The following SNX29 variants were observed in gnomAD, a reference collection of about 807,000 sequenced individuals.
SNX29 encodes sorting nexin-29.
SNX29 carries 78 observed loss-of-function variants against 102.1 expected under a neutral mutation model. The ratio of observed to expected loss-of-function variants is 0.76; its 90% confidence interval spans 0.64 to 0.92. SNX29 has a LOEUF of 0.92. Ranked by LOEUF, SNX29 falls within the 40% of genes least tolerant of loss-of-function variation. The probability of loss-of-function intolerance (pLI) is 0.00; values close to 1 mark genes in which losing one functional copy is unlikely to be tolerated. For synonymous variants in SNX29, 580 were observed against 414.5 expected (o/e 1.40, Z -4.85); for missense variants, 1,280 against 1,061.7 (o/e 1.21, Z -2.86).
At chr16:12,224,656 C>T (rs1302577736) in intron 14 of SNX29, among the ~76,000 whole-genome samples, 1 of 152,236 alleles carries the variant, frequency 6.6e-6, no homozygotes, top group African/African-American at 2.4e-5. Context: ...AAAGAGCCTA[C>T]ATGTGCAAAA....
chr16:12,234,134 A>G (rs1359329720), intron 14 of SNX29, among the ~76,000 whole-genome samples: 1 of 152,176 alleles, frequency 6.6e-6, no homozygotes, highest in Non-Finnish European at 1.5e-5. Context: ...TGCTGGGTCA[A>G]AGCGGCTGTA....
At chr16:12,280,180 CA>C (rs1255841977) in intron 15 of SNX29, among the ~76,000 whole-genome samples, 1 of 152,180 alleles carries the variant, frequency 6.6e-6, no homozygotes, top group Non-Finnish European at 1.5e-5. Flanking sequence ...TCAGAAACAG[CA>C]AGAACAGAGG....
intron 20 of SNX29, chr16:12,545,456 CGGATA>C (rs1297894961): frequency 2.6e-5 from 4 of 152,302 alleles, no homozygotes; most frequent in African/African-American, 9.6e-5. Flanking sequence ...GGCTTGTGGA[CGGATA>C]GGATGCCAGT....
Position 12,082,463 on chromosome 16 carries a change from C to T in SNX29, c.1402+3548C>T, listed in dbSNP as rs183089143. On this transcript the variant is annotated intron_variant, in intron 11 of 20. Transcript: ENST00000566228. ...TTCTGTCTTTGAGGAAGTCACTGGC[C>T]TTGCCTGTGCATTTTCAGTGATGAC... 2.0e-5 allele frequency among the ~76,000 whole-genome samples: 3 copies of T among 152,338 alleles called. No homozygotes were observed. The East Asian group carries it at 5.8e-4, about 29-fold the overall frequency.
chr16:11,984,407 T>C (rs1314061677), intron 1 of SNX29, among the ~76,000 whole-genome samples: 2 of 149,874 alleles, frequency 1.3e-5, no homozygotes, highest in Non-Finnish European at 3.0e-5. Flanking sequence ...GAGACTGATA[T>C]AGGCTGCAGT....
intron 11 of SNX29, among the ~76,000 whole-genome samples, chr16:12,110,017 C>T (rs1179512196): frequency 6.6e-6 from 1 of 152,200 alleles, no homozygotes; most frequent in Non-Finnish European, 1.5e-5. Flanking sequence ...GTGTGAGCCA[C>T]CGTGCCCGGC....
intron 4 of SNX29, 127 bp downstream of exon 4, chr16:12,027,571 A>T (rs2057229257): frequency 8.9e-7 from 1 of 1,117,394 alleles, no homozygotes; most frequent in Non-Finnish European, 1.2e-6. Context: ...GTATGGGCAC[A>T]GAAATCCATG....
chr16:12,521,010 A>G (rs2090077845), intron 19 of SNX29, among the ~76,000 whole-genome samples: 1 of 152,114 alleles, frequency 6.6e-6, no homozygotes, highest in South Asian at 2.1e-4. Flanking sequence ...AACAGTCGTC[A>G]CTAGTAAAAA....
intron 15 of SNX29, among the ~76,000 whole-genome samples, chr16:12,300,356 T>C (rs2151095432): frequency 6.6e-6 from 1 of 152,310 alleles, no homozygotes. Flanking sequence ...CCATAATGCC[T>C]TGGAGACAGC....
At chr16:12,304,568 C>T (rs1470361166) in intron 15 of SNX29, among the ~76,000 whole-genome samples, 1 of 152,180 alleles carries the variant, frequency 6.6e-6, no homozygotes, top group Non-Finnish European at 1.5e-5. Context: ...ATGTAAATGT[C>T]TTTGAATAGA....
At chr16:12,032,999 C>T (rs1010935358) in intron 4 of SNX29, among the ~76,000 whole-genome samples, 6 of 152,030 alleles carry the variant, frequency 3.9e-5, no homozygotes, top group Non-Finnish European at 5.9e-5. Flanking sequence ...GGATTACAGG[C>T]GTGCGCCACC....
At chr16:12,555,903 C>G (rs1430556354) in intron 20 of SNX29, among the ~76,000 whole-genome samples, 2 of 151,930 alleles carry the variant, frequency 1.3e-5, no homozygotes, top group Non-Finnish European at 2.9e-5. Context: ...TTCTTGGTCT[C>G]AAACCTTATT....
intron 14 of SNX29, among the ~76,000 whole-genome samples, chr16:12,242,477 G>C (rs963961098): frequency 6.6e-6 from 1 of 150,680 alleles, no homozygotes; most frequent in African/African-American, 2.4e-5. Context: ...GGCCATCTCT[G>C]TCTGTGAGTG....
rs115037065 is a variant in SNX29, at chr16:12,065,829, A to C, written c.1244-3228A>C. 3.4e-3 allele frequency among the ~76,000 whole-genome samples: 512 copies of C among 152,288 alleles called. 1 individual carries two copies. Among genetic ancestry groups the C allele is most frequent in the African/African-American group, 0.012 (503 of 41,548 alleles). On this transcript the variant is annotated intron_variant, in intron 9 of 20. Coordinates refer to ENST00000566228, the MANE Select transcript of SNX29 (RefSeq NM_032167.5). Reference sequence around the variant, plus strand: ...TGTATGCTAAAGTGGGTACAGGCTCAGCTCTGCCATTGGACGGACCAGGGT... The same window carrying C: ...TGTATGCTAAAGTGGGTACAGGCTCCGCTCTGCCATTGGACGGACCAGGGT...
chr16:12,476,383 AATATAT>A (rs1567603099), intron 18 of SNX29, among the ~76,000 whole-genome samples: 168 of 9,480 alleles, frequency 0.018, 6 homozygotes, highest in African/African-American at 0.039. Flanking sequence ...AAAAAAAAAA[AATATAT>A]ATATATATAT....
At position 12,399,966 on chromosome 16, in the gene SNX29, T is replaced by G. The variant is rs7191796; in HGVS notation, c.1955+1465T>G. Among the ~76,000 whole-genome samples, 859 of 152,172 alleles carry G rather than the reference T, an allele frequency of 5.6e-3. 10 individuals carry two copies. The highest frequency in any genetic ancestry group is 0.02 in the African/African-American group (826 of 41,498). On this transcript the variant is annotated intron_variant, in intron 17 of 20. Coordinates refer to ENST00000566228, the MANE Select transcript of SNX29 (RefSeq NM_032167.5). Reference sequence around the variant, plus strand: ...ACACGAGGCTGGAAGCACTCATTATTAAAGCAAGAATTCACCCATGTCCTG... The same window carrying G: ...ACACGAGGCTGGAAGCACTCATTATGAAAGCAAGAATTCACCCATGTCCTG...
intron 2 of SNX29, among the ~76,000 whole-genome samples, chr16:12,002,375 G>C (rs190853699): frequency 6.6e-6 from 1 of 151,636 alleles, no homozygotes; most frequent in African/African-American, 2.4e-5. Context: ...TTGAACCCGG[G>C]AGGCAGAGGT....
At chr16:12,354,023 T>TG (rs1400748655) in intron 15 of SNX29, among the ~76,000 whole-genome samples, 1 of 152,186 alleles carries the variant, frequency 6.6e-6, no homozygotes, top group Non-Finnish European at 1.5e-5. Context: ...CAAGAGGCAG[T>TG]GGTTGTGCAG....
intron 13 of SNX29, among the ~76,000 whole-genome samples, chr16:12,136,423 A>T (rs2141466722): frequency 6.6e-6 from 1 of 152,324 alleles, no homozygotes; most frequent in South Asian, 2.1e-4. Context: ...TTCCCCACTG[A>T]TGCTAACATG....
Sources: allele counts gnomAD v4.1 joint callset (sites outside exome capture counted in the v4.1 genomes callset), GRCh38; gene constraint gnomAD v4.1.1; transcripts MANE v1.5; gene names NCBI Gene and HGNC (gene_info 2026-07-23, HGNC 2026-07-21).